Variants in ARHGEF28 observed in about 807,000 individuals in gnomAD.
ARHGEF28 encodes the protein 190 kDa guanine nucleotide exchange factor.
In ARHGEF28, 152 loss-of-function variants were observed where a neutral mutation model predicts 206.6. That is an observed-to-expected ratio of 0.74 (90% CI 0.64 to 0.84). ARHGEF28 has a LOEUF of 0.84. ARHGEF28 is among the 40% of genes least tolerant of loss of function. The pLI, the probability that ARHGEF28 is intolerant of heterozygous loss-of-function variation, is 0.00. For missense variants in ARHGEF28, 2,028 were observed against 2,073.2 expected, an observed-to-expected ratio of 0.98 and a Z score of 0.42; for synonymous variants, 763 against 776.4, an observed-to-expected ratio of 0.98 and a Z score of 0.29.
chr5:73,896,367 G>T (rs1167672500), intron 29 of ARHGEF28, among the ~76,000 whole-genome samples: 2 of 152,170 alleles, frequency 1.3e-5, no homozygotes, highest in African/African-American at 2.4e-5. Flanking sequence ...AGATGAGGTG[G>T]TGTGGGCCAG....
intron 35 of ARHGEF28, among the ~76,000 whole-genome samples, chr5:73,936,743 T>C (rs1001125705): frequency 3.3e-5 from 5 of 152,212 alleles, no homozygotes; most frequent in African/African-American, 1.2e-4. Context: ...TTTATTTTTA[T>C]TTTTTGTAGA....
At chr5:73,864,930 T>A (rs939503452) in intron 17 of ARHGEF28, 58 bp downstream of exon 17, 1 of 1,498,766 alleles carries the variant, frequency 6.7e-7, no homozygotes, top group Non-Finnish European at 9.2e-7. Flanking sequence ...TAGTATCTAT[T>A]TGAGCTTTTA....
At chr5:73,813,577 C>A in intron 9 of ARHGEF28, 3 of 1,535,378 alleles carry the variant, frequency 2.0e-6, no homozygotes, top group Non-Finnish European at 2.6e-6. Context: ...TTGATTTCAC[C>A]AAAACAAAAA....
intron 1 of ARHGEF28, among the ~76,000 whole-genome samples, chr5:73,675,600 A>G (rs13159670): frequency 0.76 from 114,660 of 151,380 alleles, 43,454 homozygotes; most frequent in Admixed American, 0.82. Context: ...GGGCGTGGTG[A>G]CGGGTGCCTG....
intron 1 of ARHGEF28, among the ~76,000 whole-genome samples, chr5:73,675,244 C>A (rs534660284): frequency 8.7e-4 from 132 of 152,258 alleles, no homozygotes; most frequent in Non-Finnish European, 1.5e-3. Flanking sequence ...CTTCAACAAG[C>A]AAGGAAATTC....
At chr5:73,745,916 C>T (rs1380431472) in intron 2 of ARHGEF28, among the ~76,000 whole-genome samples, 2 of 152,164 alleles carry the variant, frequency 1.3e-5, no homozygotes, top group South Asian at 2.1e-4. Flanking sequence ...GTTTGGCCAC[C>T]AGCAATGTTT....
intron 18 of ARHGEF28, among the ~76,000 whole-genome samples, chr5:73,866,783 T>C (rs920559174): frequency 3.3e-5 from 5 of 152,216 alleles, no homozygotes; most frequent in Admixed American, 6.5e-5. Flanking sequence ...AATCTCTTGC[T>C]TTATTGTGAG....
At chr5:73,939,171 A>T (rs915760222) in intron 35 of ARHGEF28, among the ~76,000 whole-genome samples, 8 of 152,130 alleles carry the variant, frequency 5.3e-5, no homozygotes, top group Admixed American at 4.6e-4. Context: ...TAGCTGCATG[A>T]TGTGGGTCAG....
At chr5:73,674,286 C>G (rs975083336) in intron 1 of ARHGEF28, among the ~76,000 whole-genome samples, 1 of 152,358 alleles carries the variant, frequency 6.6e-6, no homozygotes, top group East Asian at 1.9e-4. Flanking sequence ...AAGCAAATCA[C>G]TGTCTTTCAG....
At chr5:73,644,305 A>T (rs1744298736) in intron 1 of ARHGEF28, among the ~76,000 whole-genome samples, 1 of 152,208 alleles carries the variant, frequency 6.6e-6, no homozygotes, top group Non-Finnish European at 1.5e-5. Context: ...TTTCTGTGGA[A>T]TTCTTCCTCA....
intron 4 of ARHGEF28, among the ~76,000 whole-genome samples, chr5:73,759,724 T>C (rs1244992254): frequency 6.6e-6 from 1 of 152,212 alleles, no homozygotes; most frequent in Non-Finnish European, 1.5e-5. Context: ...GCAGTTTTAA[T>C]ATTGCTTCTT....
At chr5:73,764,899 C>T (rs956240238) in intron 4 of ARHGEF28, among the ~76,000 whole-genome samples, 5 of 152,218 alleles carry the variant, frequency 3.3e-5, no homozygotes, top group Non-Finnish European at 7.3e-5. Flanking sequence ...CAACCCTTTT[C>T]TCATTCTTAT....
chr5:73,860,676 G>T (rs942624767), intron 16 of ARHGEF28, among the ~76,000 whole-genome samples: 2 of 152,042 alleles, frequency 1.3e-5, no homozygotes, highest in Admixed American at 1.3e-4. Context: ...TCCTTTCCAG[G>T]TATGTTCATC....
Position 73,870,118 on chromosome 5 carries a change from G to A in ARHGEF28, c.2475G>A (p.Glu825=). The A allele has an allele frequency of 1.2e-6, 2 of 1,613,962 alleles. No homozygotes were observed. The highest frequency in any genetic ancestry group is 1.7e-6 in the Non-Finnish European group (2 of 1,179,866). ...LWSDLSSDAQ[E]FEAESWSLVV... Reference sequence around the variant, plus strand: ...GTGACCTCAGCAGTGATGCCCAGGAGTTTGAAGCAGAATCTTGGAGTCTTG... The same window carrying A: ...GTGACCTCAGCAGTGATGCCCAGGAATTTGAAGCAGAATCTTGGAGTCTTG... The change falls in exon 21 of 36, where the codon GAG becomes GAA. Residue 825 remains glutamate (E), a synonymous_variant. Transcript: ENST00000513042.
At chr5:73,673,187 T>C (rs186866445) in intron 1 of ARHGEF28, among the ~76,000 whole-genome samples, 1 of 152,330 alleles carries the variant, frequency 6.6e-6, no homozygotes, top group African/African-American at 2.4e-5. Flanking sequence ...TGTGCTGGCA[T>C]TGAAGGTTTT....
intron 2 of ARHGEF28, among the ~76,000 whole-genome samples, chr5:73,745,165 C>T (rs1008575987): frequency 1.3e-5 from 2 of 151,882 alleles, no homozygotes; most frequent in Admixed American, 6.6e-5. Context: ...CAGCAAATAG[C>T]ATTGTTATTA....
At chr5:73,675,732 C>CAAAAAAAAAAA (rs35836692) in intron 1 of ARHGEF28, among the ~76,000 whole-genome samples, 7 of 49,668 alleles carry the variant, frequency 1.4e-4, no homozygotes, top group African/African-American at 4.7e-4. Flanking sequence ...GACTCTGTCT[C>CAAAAAAAAAAA]AAAAAAAAAA....
At chr5:73,791,162 T>C (rs1251396335) in intron 7 of ARHGEF28, among the ~76,000 whole-genome samples, 1 of 152,232 alleles carries the variant, frequency 6.6e-6, no homozygotes, top group Non-Finnish European at 1.5e-5. Context: ...GAAGCATTTA[T>C]TCAGCACCTG....
chr5:73,745,429 A>G (rs1489017994), intron 2 of ARHGEF28, among the ~76,000 whole-genome samples: 1 of 152,060 alleles, frequency 6.6e-6, no homozygotes, highest in Non-Finnish European at 1.5e-5. Flanking sequence ...TGGCAAAAAC[A>G]TTTGTTACCT....
Sources: gnomAD v4.1 joint callset for allele counts (sites outside exome capture counted in the v4.1 genomes callset) on GRCh38, gnomAD v4.1.1 for gene constraint, MANE v1.5 for transcripts, NCBI Gene and HGNC (gene_info 2026-07-23, HGNC 2026-07-21) for gene names.